CCNP: variants seen among roughly 807,000 people sequenced by gnomAD.
The protein encoded by CCNP is cyclin-P.
In CCNP, 18 loss-of-function variants were observed where a neutral mutation model predicts 19.6. The observed-to-expected ratio is 0.92, with a 90% CI of 0.64 to 1.36. CCNP has a LOEUF of 1.36. Ranked by LOEUF, CCNP falls within the 40% of genes most tolerant of loss-of-function variation. CCNP has a pLI of 0.00. For synonymous variants in CCNP, 228 were observed against 194.9 expected (o/e 1.17, Z -1.41); for missense variants, 440 against 424.4 (o/e 1.04, Z -0.32).
rs1490455499 is a variant in CCNP, at chr19:40,222,244, C to T, written c.*808G>A. ...TAAATTCTTTTATTGAGATGAGAGACGGACACACACTGGGAGGGTTTTGTT... is the reference window on the plus strand; with the variant it reads ...TAAATTCTTTTATTGAGATGAGAGATGGACACACACTGGGAGGGTTTTGTT... On this transcript the variant is annotated 3_prime_UTR_variant, in exon 5 of 5. Coordinates refer to ENST00000430325, the MANE Select transcript of CCNP (RefSeq NM_024877.4). 5.0e-6 allele frequency: 2 copies of T among 398,346 alleles called. No homozygotes were observed. Among genetic ancestry groups the T allele is most frequent in the African/African-American group, 2.1e-5 (1 of 48,620 alleles). The allele number at this position is 398,346 out of a possible 1,614,324, so 24.7% of individuals were successfully genotyped here. A position where few individuals can be genotyped will look rare whatever the true frequency, so the allele number is the denominator to read the frequency against.
At chr19:40,223,972 G>GTTT (rs139230372) in intron 3 of CCNP, among the ~76,000 whole-genome samples, 43 of 150,380 alleles carry the variant, frequency 2.9e-4, no homozygotes, top group African/African-American at 9.6e-4. Flanking sequence ...GATTTGTTTT[G>GTTT]TTTTTTTTTG....
chr19:40,226,197 C>A (rs1390127162), intron 1 of CCNP, among the ~76,000 whole-genome samples, 178 bp downstream of exon 1: 1 of 152,242 alleles, frequency 6.6e-6, no homozygotes, highest in Non-Finnish European at 1.5e-5. Flanking sequence ...GCATTCCCAG[C>A]GGTAGAAACG....
chr19:40,222,969 G>A lies in CCNP; in HGVS notation c.*83C>T. On this transcript the variant is annotated 3_prime_UTR_variant, in exon 5 of 5. Coordinates refer to ENST00000430325, the MANE Select transcript of CCNP (RefSeq NM_024877.4). Reference sequence around the variant, plus strand: ...CTTCCACTCTGGGGCAAGGTTAAGAGACCCCAGATCTGGACTAATGGGGTC... The same window carrying A: ...CTTCCACTCTGGGGCAAGGTTAAGAAACCCCAGATCTGGACTAATGGGGTC... The A allele has an allele frequency of 1.3e-6, 1 of 770,328 alleles. No homozygotes were observed. Among genetic ancestry groups the A allele is most frequent in the Non-Finnish European group, 2.1e-6 (1 of 479,792 alleles). 47.7% of individuals were successfully genotyped at this position (770,328 alleles called of 1,614,324 possible).
Position 40,226,556 on chromosome 19 carries a change from T to C in CCNP, c.86A>G (p.Gln29Arg), listed in dbSNP as rs1318832685. Residue 29 changes from glutamine (Q) to arginine (R), a missense_variant, in exon 1 of 5, where the codon CAG becomes CGG. Gln to Arg is a conservative substitution (Grantham distance 43). Transcript: ENST00000430325. ...TGCGTCGAGGGAGGCAGCGAGACTC[T>C]GCAAAGGAGAGGGCCTGGGGGCCCA... ...RRWAPRPSPLQSLAASLDAEP... is the reference protein window; with the variant it reads ...RRWAPRPSPLRSLAASLDAEP... 2 of 1,580,370 alleles carry C rather than the reference T, an allele frequency of 1.3e-6. No homozygotes were observed. The highest frequency in any genetic ancestry group is 4.6e-5 in the East Asian group (2 of 43,888).
chr19:40,225,254 TCACCA>T (rs1184115691), intron 1 of CCNP, among the ~76,000 whole-genome samples: 1 of 152,014 alleles, frequency 6.6e-6, no homozygotes, highest in East Asian at 1.9e-4. Context: ...AGACGGGGTT[TCACCA>T]TGTTGACCAG....
intron 3 of CCNP, among the ~76,000 whole-genome samples, chr19:40,223,823 T>G (rs1483810889): frequency 6.6e-6 from 1 of 151,488 alleles, no homozygotes; most frequent in Non-Finnish European, 1.5e-5. Flanking sequence ...AAACAGATAC[T>G]ACTCCCTGCT....
At chr19:40,223,979 TTTG>T (rs1555761126) in intron 3 of CCNP, among the ~76,000 whole-genome samples, 32 of 152,024 alleles carry the variant, frequency 2.1e-4, no homozygotes, top group South Asian at 4.2e-4. Flanking sequence ...TTTGTTTTTT[TTTG>T]TTGTTGTTGT....
chr19:40,225,608 T>C (rs373396755), intron 1 of CCNP, among the ~76,000 whole-genome samples: 8 of 152,316 alleles, frequency 5.3e-5, no homozygotes, highest in African/African-American at 1.9e-4. Context: ...ACCAAGCCCA[T>C]TCCTACCCCA....
chr19:40,225,335 A>T (rs993970440), intron 1 of CCNP, among the ~76,000 whole-genome samples: 4 of 152,112 alleles, frequency 2.6e-5, no homozygotes, highest in African/African-American at 7.2e-5. Context: ...CTGGGATTAC[A>T]GGTATGAGCC....
intron 4 of CCNP, 23 bp downstream of exon 4, chr19:40,223,365 C>A: frequency 6.7e-7 from 1 of 1,494,544 alleles, no homozygotes. Context: ...ACGCCCCCAC[C>A]CCGCGTATTC....
Position 40,226,543 on chromosome 19 carries a change from G to GCCTTT in CCNP, c.98_99insAAAGG (p.Ser34LysfsTer38). 1 of 1,583,040 alleles carries GCCTTT rather than the reference G, an allele frequency of 6.3e-7. No homozygotes were observed. The highest frequency in any genetic ancestry group is 8.6e-7 in the Non-Finnish European group (1 of 1,166,538). On this transcript the variant is annotated frameshift_variant, in exon 1 of 5. Coordinates refer to ENST00000430325, the MANE Select transcript of CCNP (RefSeq NM_024877.4). LOFTEE classifies it high-confidence loss of function. The stretch of plus-strand genomic sequence containing the variant: ...CGCTTGAAGGCTCTGCGTCGAGGGA[G>GCCTTT]GCAGCGAGACTCTGCAAAGGAGAGG...
At position 40,223,547 on chromosome 19, in the gene CCNP, C is replaced by G; in HGVS notation, c.514-1G>C. On this transcript the variant is annotated splice_acceptor_variant, in intron 3 of 4. Transcript: ENST00000430325. LOFTEE classifies it high-confidence loss of function. ...CGCTCAGGAGGCAGAGGAAGGCGGG[C>G]TGCAGATGGGGGATGCGGGGGGAGG... 6.3e-7 allele frequency: 1 copy of G among 1,597,470 alleles called. No homozygotes were observed. The highest frequency in any genetic ancestry group is 1.3e-5 in the African/African-American group (1 of 74,516).
At position 40,224,597 on chromosome 19, in the gene CCNP, A is replaced by C. The variant is rs1190259842; in HGVS notation, c.404T>G (p.Leu135Arg). The change falls in exon 3 of 5, where the codon CTG becomes CGG. Residue 135 changes from leucine (L) to arginine (R), a missense_variant. Leu to Arg is a moderately radical substitution (Grantham distance 102). Transcript: ENST00000430325. ...AGDTLYLAVH[L>R]LDSYLSAGRV... ...GCCAGCGCTCAGGTAGGAATCAAGC[A>C]GGTGAACCGCCAGATAAAGTGTGTC... 1.1e-5 allele frequency: 18 copies of C among 1,614,222 alleles called. No individual in the cohort carries two copies. Among genetic ancestry groups the C allele is most frequent in the Non-Finnish European group, 1.5e-5 (18 of 1,180,036 alleles).
chr19:40,224,846 C>A, intron 1 of CCNP, 35 bp from the exon 2 acceptor site: 1 of 1,517,000 alleles, frequency 6.6e-7, no homozygotes, highest in Non-Finnish European at 8.9e-7. Flanking sequence ...ACTCTCCACA[C>A]CTGTGCCTCT....
In CCNP at chr19:40,223,302, A is replaced by G; in HGVS notation, c.674T>C (p.Val225Ala). The G allele has an allele frequency of 6.6e-7, 1 of 1,518,248 alleles. No homozygotes were observed. Among genetic ancestry groups the G allele is most frequent in the South Asian group, 1.2e-5 (1 of 80,602 alleles). The allele number at this position is 1,518,248 out of a possible 1,614,324, so 94.0% of individuals were successfully genotyped here. A position where few individuals can be genotyped will look rare whatever the true frequency, so the allele number is the denominator to read the frequency against. Residue 225 changes from valine (V) to alanine (A), a missense_variant and splice_region_variant, in exon 5 of 5, where the codon GTG becomes GCG. Physicochemically the swap from Val to Ala is moderately conservative, Grantham distance 64. Transcript: ENST00000430325. Reference protein sequence around the residue: ...LAALAGSSPQVMLLATYFLEL... With the variant: ...LAALAGSSPQAMLLATYFLEL... ...CAGGAAGTAGGTGGCAAGTAACATC[A>G]CCTGCAAGTGAGGCGGGGCGACTGT...
chr19:40,225,420 C>T (rs918009292), intron 1 of CCNP, among the ~76,000 whole-genome samples: 2 of 152,140 alleles, frequency 1.3e-5, no homozygotes, highest in African/African-American at 2.4e-5. Context: ...CCAGAAGCAT[C>T]TTCCCAAAGA....
chr19:40,226,453 C>T lies in CCNP; in HGVS notation c.189G>A (p.Pro63=), dbSNP rs766750455. The part of the protein sequence containing the change: ...TVSPRRLARP[P]GLEEALSALG... Reference sequence around the variant, plus strand: ...GCGCGCTCAGCGCCTCCTCCAGCCCCGGCGGCCTCGCCAGGCGTCTTGGGG... The same window carrying T: ...GCGCGCTCAGCGCCTCCTCCAGCCCTGGCGGCCTCGCCAGGCGTCTTGGGG... The change falls in exon 1 of 5, where the codon CCG becomes CCA. Residue 63 remains proline, a synonymous_variant. Coordinates refer to ENST00000430325, the MANE Select transcript of CCNP (RefSeq NM_024877.4). 3.1e-6 allele frequency: 5 copies of T among 1,608,290 alleles called. No individual in the cohort carries two copies. The East Asian group carries it at 1.1e-4, about 36-fold the overall frequency.
In CCNP at chr19:40,223,306, G is replaced by A; in HGVS notation, c.673-3C>T. 6 of 1,513,858 alleles carry A rather than the reference G, an allele frequency of 4.0e-6. No homozygotes were observed. The highest frequency in any genetic ancestry group is 1.3e-5 in the South Asian group (1 of 79,742). 93.8% of individuals were successfully genotyped at this position (1,513,858 alleles called of 1,614,324 possible). On this transcript the variant is annotated splice_region_variant and splice_polypyrimidine_tract_variant and intron_variant, in intron 4 of 4. Coordinates refer to ENST00000430325, the MANE Select transcript of CCNP (RefSeq NM_024877.4). ...AAGTAGGTGGCAAGTAACATCACCT[G>A]CAAGTGAGGCGGGGCGACTGTCAGG...
At position 40,224,770 on chromosome 19, in the gene CCNP, C is replaced by G; in HGVS notation, c.309G>C (p.Val103=). 2 of 1,559,328 alleles carry G rather than the reference C, an allele frequency of 1.3e-6. No individual in the cohort carries two copies. Among genetic ancestry groups the G allele is most frequent in the Non-Finnish European group, 1.7e-6 (2 of 1,151,526 alleles). ...VLPLRALPRA[V]TPEMRALVVD... ...CCACCAGGGCGCGCATCTCCGGGGT[C>G]ACAGCGCGGGGCAGGGCTCTCAGGG... Residue 103 remains valine (V), a synonymous_variant, in exon 2 of 5, where the codon GTG becomes GTC. Coordinates refer to ENST00000430325, the MANE Select transcript of CCNP (RefSeq NM_024877.4).
Sources: allele counts gnomAD v4.1 joint callset (sites outside exome capture counted in the v4.1 genomes callset), GRCh38; gene constraint gnomAD v4.1.1; transcripts MANE v1.5; gene names NCBI Gene and HGNC (gene_info 2026-07-23, HGNC 2026-07-21).